The following ROBO2 variants were observed in gnomAD, a reference collection of about 807,000 sequenced individuals.
ROBO2 encodes the protein roundabout homolog 2.
ROBO2 carries 53 observed loss-of-function variants against 160.8 expected under a neutral mutation model. The observed-to-expected ratio is 0.33, with a 90% CI of 0.26 to 0.41. The LOEUF is 0.41. Among genes scored for constraint, ROBO2 ranks in the 10% least tolerant of loss-of-function variants. ROBO2 has a pLI of 1.00. For synonymous variants in ROBO2, 664 were observed against 611.7 expected (o/e 1.09, Z -1.26); for missense variants, 1,577 against 1,722.4 (o/e 0.92, Z 1.49).
At chr3:77,184,888 T>G (rs2150885031) in intron 2 of ROBO2, among the ~76,000 whole-genome samples, 1 of 152,148 alleles carries the variant, frequency 6.6e-6, no homozygotes, top group African/African-American at 2.4e-5. Context: ...AAGACTGAGA[T>G]GATATAATGC....
chr3:77,134,010 C>T (rs1253315834), intron 2 of ROBO2, among the ~76,000 whole-genome samples: 1 of 152,076 alleles, frequency 6.6e-6, no homozygotes, highest in African/African-American at 2.4e-5. Flanking sequence ...AATCCCGTCT[C>T]TACTAAAAAT....
chr3:77,597,468 T>G (rs1439698726), intron 19 of ROBO2, among the ~76,000 whole-genome samples: 4 of 152,038 alleles, frequency 2.6e-5, no homozygotes, highest in Non-Finnish European at 4.4e-5. Flanking sequence ...TTTCATCCAG[T>G]CAATAGGAGA....
chr3:76,080,104 G>A (rs1412843939), intron 2 of ROBO2, among the ~76,000 whole-genome samples: 2 of 152,130 alleles, frequency 1.3e-5, no homozygotes, highest in Admixed American at 1.3e-4. Flanking sequence ...ATTAAATCTA[G>A]CCAAATAGTG....
At chr3:76,072,747 T>C (rs182505239) in intron 2 of ROBO2, among the ~76,000 whole-genome samples, 8 of 152,282 alleles carry the variant, frequency 5.3e-5, no homozygotes, top group Admixed American at 3.9e-4. Context: ...TGTTTATTAA[T>C]GAAACATAAG....
intron 2 of ROBO2, among the ~76,000 whole-genome samples, chr3:76,941,060 C>A (rs891366851): frequency 3.9e-5 from 6 of 152,122 alleles, no homozygotes; most frequent in African/African-American, 1.4e-4. Flanking sequence ...TTCACCCATT[C>A]TTTCCCCCAA....
chr3:76,528,988 A>G (rs1430744232), intron 2 of ROBO2, among the ~76,000 whole-genome samples: 5 of 152,156 alleles, frequency 3.3e-5, no homozygotes, highest in Non-Finnish European at 7.4e-5. Context: ...AATTTACAAC[A>G]TGAAGTTCAC....
intron 2 of ROBO2, among the ~76,000 whole-genome samples, chr3:76,734,933 G>T (rs1292500242): frequency 6.6e-6 from 1 of 152,158 alleles, no homozygotes; most frequent in Non-Finnish European, 1.5e-5. Context: ...TTTGACATAA[G>T]TAGTAATGCA....
At chr3:76,783,658 T>C (rs777829019) in intron 2 of ROBO2, among the ~76,000 whole-genome samples, 5 of 150,968 alleles carry the variant, frequency 3.3e-5, no homozygotes, top group Non-Finnish European at 7.4e-5. Context: ...TTCAAAATTC[T>C]CTTTGATTTT....
intron 2 of ROBO2, among the ~76,000 whole-genome samples, chr3:76,677,057 T>C (rs1041874386): frequency 4.6e-5 from 7 of 152,002 alleles, no homozygotes; most frequent in African/African-American, 1.7e-4. Flanking sequence ...TGGTACTGTA[T>C]ACAAGTGCTA....
In ROBO2 at chr3:77,644,905, G is replaced by A; in HGVS notation, c.4135+1G>A. The stretch of plus-strand genomic sequence containing the variant: ...CAAGGACAGTTTACAGGTGAATTAT[G>A]TAAGTGCTTAGGTCATTTAAAAGGC... On this transcript the variant is annotated splice_donor_variant, in intron 25 of 25. Transcript: ENST00000461745. LOFTEE classifies it high-confidence loss of function. The A allele has an allele frequency of 1.2e-6, 2 of 1,613,812 alleles. No homozygotes were observed. Among genetic ancestry groups the A allele is most frequent in the Non-Finnish European group, 1.7e-6 (2 of 1,179,738 alleles).
chr3:77,580,223 T>C (rs2093879722), intron 16 of ROBO2, 105 bp downstream of exon 17: 2 of 1,039,382 alleles, frequency 1.9e-6, no homozygotes, highest in South Asian at 1.3e-5. Context: ...TTATGAATGA[T>C]AGGGTACACA....
chr3:77,027,427 A>G (rs563554640), intron 2 of ROBO2, among the ~76,000 whole-genome samples: 1 of 152,338 alleles, frequency 6.6e-6, no homozygotes, highest in Non-Finnish European at 1.5e-5. Flanking sequence ...TCCAAAGTTC[A>G]TCTGAAAGTA....
At chr3:76,751,033 T>C (rs1345636225) in intron 2 of ROBO2, among the ~76,000 whole-genome samples, 1 of 152,082 alleles carries the variant, frequency 6.6e-6, no homozygotes, top group East Asian at 1.9e-4. Context: ...TCACGCTACC[T>C]GACTTCAAAC....
intron 2 of ROBO2, among the ~76,000 whole-genome samples, chr3:77,112,149 G>T (rs1157933822): frequency 2.1e-5 from 3 of 143,216 alleles, no homozygotes; most frequent in African/African-American, 7.9e-5. Context: ...CCGAGATCGC[G>T]CCGCCGTCGC....
At position 76,099,250 on chromosome 3, in the gene ROBO2, C is replaced by G. The variant is rs556538990; in HGVS notation, c.109+161648C>G. 2.6e-5 allele frequency among the ~76,000 whole-genome samples: 4 copies of G among 152,110 alleles called. No homozygotes were observed. The South Asian group carries it at 8.3e-4, about 32-fold the overall frequency. On this transcript the variant is annotated intron_variant, in intron 2 of 26. Coordinates refer to the ROBO2 transcript ENST00000487694. ...AGTGGGATAATTTGAAAATCTGTAA[C>G]TTTACTGAAGGAGTTGGCTATGAAT...
intron 2 of ROBO2, among the ~76,000 whole-genome samples, chr3:76,309,404 T>C (rs2071471127): frequency 6.6e-6 from 1 of 152,252 alleles, no homozygotes; most frequent in Admixed American, 6.5e-5. Context: ...GTGATTATTG[T>C]TTCTAAACTA....
chr3:76,047,214 G>T (rs2067480926), intron 2 of ROBO2, among the ~76,000 whole-genome samples: 1 of 152,094 alleles, frequency 6.6e-6, no homozygotes. Context: ...TATAAGCCAT[G>T]CTAATCCTAT....
At chr3:76,154,981 T>A (rs1410112453) in intron 2 of ROBO2, among the ~76,000 whole-genome samples, 2 of 152,014 alleles carry the variant, frequency 1.3e-5, no homozygotes, top group Non-Finnish European at 2.9e-5. Context: ...AGATAAAAAA[T>A]CTGAATTGGA....
intron 2 of ROBO2, among the ~76,000 whole-genome samples, chr3:76,334,488 C>T (rs944899770): frequency 7.2e-5 from 11 of 152,152 alleles, no homozygotes; most frequent in African/African-American, 2.7e-4. Context: ...TTGAAGAAAA[C>T]ACTAAATGTT....
Sources: allele counts gnomAD v4.1 joint callset (sites outside exome capture counted in the v4.1 genomes callset), GRCh38; gene constraint gnomAD v4.1.1; transcripts MANE v1.5; gene names NCBI Gene and HGNC (gene_info 2026-07-23, HGNC 2026-07-21).